The following ULBP3 variants were observed in gnomAD, a reference collection of about 807,000 sequenced individuals.
ULBP3 encodes UL16-binding protein 3.
A neutral mutation model predicts 24.9 loss-of-function variants in ULBP3; 25 were observed. The observed-to-expected ratio is 1.00, with a 90% CI of 0.73 to 1.40. The LOEUF (loss-of-function observed/expected upper bound fraction) is 1.40. ULBP3 is among the 40% of genes most tolerant of loss of function. The pLI is 0.00. For synonymous variants in ULBP3, 114 were observed against 114.7 expected (o/e 0.99, Z 0.04); for missense variants, 306 against 307.5 (o/e 1.00, Z 0.04).
At chr6:150,064,521 C>T (rs1393647289) in intron 4 of ULBP3, 64 bp downstream of exon 4, 14 of 1,453,636 alleles carry the variant, frequency 9.6e-6, no homozygotes, top group Non-Finnish European at 4.8e-6. Flanking sequence ...TGGAAATTCT[C>T]CTTTCCCTTC....
intron 1 of ULBP3, 72 bp from the exon 2 acceptor site, chr6:150,066,234 A>G (rs1175737875): frequency 6.6e-7 from 1 of 1,519,808 alleles, no homozygotes; most frequent in Non-Finnish European, 8.9e-7. Context: ...TGACAGCAAG[A>G]GGGTTTCCTG....
At chr6:150,068,798 A>G (rs909712082) in intron 1 of ULBP3, among the ~76,000 whole-genome samples, 181 bp downstream of exon 1, 11 of 152,114 alleles carry the variant, frequency 7.2e-5, no homozygotes, top group African/African-American at 2.7e-4. Context: ...TCTGCAGGGC[A>G]AGCAGCAGCC....
chr6:150,064,562 C>T, intron 4 of ULBP3, 23 bp downstream of exon 4: 1 of 1,600,058 alleles, frequency 6.2e-7, no homozygotes, highest in South Asian at 1.1e-5. Flanking sequence ...CTCTCGTTCC[C>T]CTCACAGTTT....
Position 150,068,952 on chromosome 6 carries a change from C to G in ULBP3, c.88+27G>C, listed in dbSNP as rs199528603. 3.2e-4 allele frequency: 502 copies of G among 1,577,284 alleles called. 1 individual carries two copies. In the African/African-American group the frequency reaches 6.1e-3, roughly 19 times the overall value. Reference sequence around the variant, plus strand: ...CAGCCCCCCAGGTTTGGCCCCCGCCCCGCTTAGGCTCCATCCCCGAACTCA... The same window carrying G: ...CAGCCCCCCAGGTTTGGCCCCCGCCGCGCTTAGGCTCCATCCCCGAACTCA... On this transcript the variant is annotated intron_variant, in intron 1 of 4. Transcript: ENST00000367339.
At chr6:150,065,832 C>G in intron 2 of ULBP3, 67 bp downstream of exon 2, 1 of 1,594,610 alleles carries the variant, frequency 6.3e-7, no homozygotes, top group Non-Finnish European at 8.5e-7. Flanking sequence ...AATTTCTTCT[C>G]CCCACACACA....
In ULBP3 at chr6:150,064,663, T is replaced by G. The variant is rs1582864934; in HGVS notation, c.679A>C (p.Thr227Pro). ...ATGAGGAAGCTCCAGGGACTGAGGG[T>G]GGTGGCTATGGCTTTGGGTTGAGCT... ...GLAQPKAIAT[T>P]LSPWSFLIIL... Residue 227 changes from threonine to proline, a missense_variant, in exon 4 of 5, where the codon ACC becomes CCC. Coordinates refer to ENST00000367339, the MANE Select transcript of ULBP3 (RefSeq NM_024518.3). 6.2e-7 allele frequency: 1 copy of G among 1,613,900 alleles called. No homozygotes were observed.
chr6:150,061,954 T>C lies in ULBP3; in HGVS notation c.*1420A>G, dbSNP rs1303240614. ...TAAGAGATGGTAACTCATTGCAGTT[T>C]TGATTTGCACTTATCTGATGATTAG... is the stretch of plus-strand genomic sequence containing the variant. On this transcript the variant is annotated 3_prime_UTR_variant, in exon 5 of 5. Transcript: ENST00000367339. Among the ~76,000 whole-genome samples, 2 of 152,248 alleles carry C rather than the reference T, an allele frequency of 1.3e-5. No individual in the cohort carries two copies. Among genetic ancestry groups the C allele is most frequent in the Non-Finnish European group, 2.9e-5 (2 of 68,040 alleles).
chr6:150,067,409 A>G (rs1776363203), intron 1 of ULBP3, among the ~76,000 whole-genome samples: 1 of 152,174 alleles, frequency 6.6e-6, no homozygotes, highest in South Asian at 2.1e-4. Context: ...TAGTGGACAC[A>G]GTGTGTGATC....
At position 150,069,105 on chromosome 6, in the gene ULBP3, T is replaced by C; in HGVS notation, c.-39A>G. The C allele has an allele frequency of 6.3e-7, 1 of 1,594,670 alleles. No homozygotes were observed. Among genetic ancestry groups the C allele is most frequent in the South Asian group, 1.1e-5 (1 of 88,152 alleles). On this transcript the variant is annotated 5_prime_UTR_variant, in exon 1 of 5. Coordinates refer to ENST00000367339, the MANE Select transcript of ULBP3 (RefSeq NM_024518.3). Reference sequence around the variant, plus strand: ...CGCCCGGGACACAAGGCGCAGTCGATGTGGAGACCAGCGTATGAATCACTT... The same window carrying C: ...CGCCCGGGACACAAGGCGCAGTCGACGTGGAGACCAGCGTATGAATCACTT...
intron 3 of ULBP3, 142 bp downstream of exon 3, chr6:150,065,256 A>T (rs1352368122): frequency 2.8e-5 from 35 of 1,236,280 alleles, no homozygotes. Context: ...CACTCACTCA[A>T]ACACACACTC....
rs753937674 is a variant in ULBP3 at position 150,064,709 on chromosome 6, TG to T, written c.632del (p.Pro211HisfsTer8). 1 of 1,613,796 alleles carries T rather than the reference TG, an allele frequency of 6.2e-7. No individual in the cohort carries two copies. Among genetic ancestry groups the T allele is most frequent in the Admixed American group, 1.7e-5 (1 of 59,994 alleles). On this transcript the variant is annotated frameshift_variant, in exon 4 of 5. Transcript: ENST00000367339. LOFTEE classifies it high-confidence loss of function. ...HRKKRLEPTA[P>X]PTMAPGLAQP... ...GAGCTAAGCCTGGGGCCATGGTGGG[TG>T]GTGCTGAAAGGGAAACACAAAAGTG...
intron 4 of ULBP3, 107 bp downstream of exon 4, chr6:150,064,478 A>G: frequency 9.8e-7 from 1 of 1,019,160 alleles, no homozygotes; most frequent in Admixed American, 2.0e-5. Context: ...TGTCAGAACG[A>G]GAAGGTCCCG....
rs1293671597 is a variant in ULBP3, at chr6:150,061,991, A to AT, written c.*1382dup. On this transcript the variant is annotated 3_prime_UTR_variant, in exon 5 of 5. Coordinates refer to ENST00000367339, the MANE Select transcript of ULBP3 (RefSeq NM_024518.3). ...TATCTGATGATTAGTGATATTGAGC[A>AT]TTTTTTCACGTTTGTTGGCCACTTG... 6.6e-6 allele frequency among the ~76,000 whole-genome samples: 1 copy of AT among 152,102 alleles called. No homozygotes were observed. Among genetic ancestry groups the AT allele is most frequent in the African/African-American group, 2.4e-5 (1 of 41,420 alleles).
rs1160737399 is a variant in ULBP3, at chr6:150,061,346, T to C, written c.*2028A>G. Among the ~76,000 whole-genome samples the C allele has an allele frequency of 6.6e-6, 1 of 152,218 alleles. No homozygotes were observed. The highest frequency in any genetic ancestry group is 1.5e-5 in the Non-Finnish European group (1 of 68,032). ...TAGATTTTGGAAGGCTGAGGCTTGG[T>C]GTCCCAATGATCTCATCACTCAAAC... On this transcript the variant is annotated 3_prime_UTR_variant, in exon 5 of 5. Coordinates refer to ENST00000367339, the MANE Select transcript of ULBP3 (RefSeq NM_024518.3).
At chr6:150,067,283 T>A (rs1023388903) in intron 1 of ULBP3, among the ~76,000 whole-genome samples, 1 of 152,178 alleles carries the variant, frequency 6.6e-6, no homozygotes, top group Non-Finnish European at 1.5e-5. Context: ...GAGCCCCTGG[T>A]GGGCTCCTTC....
Position 150,062,377 on chromosome 6 carries a change from G to A in ULBP3, c.*997C>T, listed in dbSNP as rs1472528450. On this transcript the variant is annotated 3_prime_UTR_variant, in exon 5 of 5. Coordinates refer to ENST00000367339, the MANE Select transcript of ULBP3 (RefSeq NM_024518.3). Reference sequence around the variant, plus strand: ...TTTTATTACCTGCGCAACATAGGAAGACCCAATCTCTACCTAAATATAAAA... The same window carrying A: ...TTTTATTACCTGCGCAACATAGGAAAACCCAATCTCTACCTAAATATAAAA... Among the ~76,000 whole-genome samples the A allele has an allele frequency of 6.6e-6, 1 of 152,272 alleles. No individual in the cohort carries two copies. Among genetic ancestry groups the A allele is most frequent in the East Asian group, 1.9e-4 (1 of 5,180 alleles).
chr6:150,068,144 C>A (rs1216138097), intron 1 of ULBP3, among the ~76,000 whole-genome samples: 1 of 152,096 alleles, frequency 6.6e-6, no homozygotes, highest in Non-Finnish European at 1.5e-5. Context: ...ATGGCTACAC[C>A]CCCCCACCCT....
At position 150,066,048 on chromosome 6, in the gene ULBP3, C is replaced by T. The variant is rs1484606727; in HGVS notation, c.203G>A (p.Gly68Asp). Residue 68 changes from glycine to aspartate, a missense_variant, in exon 2 of 5, where the codon GGC becomes GAC. Transcript: ENST00000367339. ...DQKNFLSYDCGSDKVLSMGHL... is the reference protein window; with the variant it reads ...DQKNFLSYDCDSDKVLSMGHL... The stretch of plus-strand genomic sequence containing the variant: ...ACCCATAGATAAGACCTTGTCACTG[C>T]CACAGTCATAGGAGAGAAAATTCTT... The T allele has an allele frequency of 3.1e-6, 5 of 1,614,216 alleles. No individual in the cohort carries two copies. The South Asian group carries it at 5.5e-5, about 18-fold the overall frequency.
chr6:150,062,171 C>T lies in ULBP3; in HGVS notation c.*1203G>A, dbSNP rs610025. On this transcript the variant is annotated 3_prime_UTR_variant, in exon 5 of 5. Coordinates refer to ENST00000367339, the MANE Select transcript of ULBP3 (RefSeq NM_024518.3). ...TTGCAAATAGTTTCCCCATTCTACA[C>T]GCTGTCTGTTTACCGTGTTGCTAGT... 5.1e-4 allele frequency among the ~76,000 whole-genome samples: 78 copies of T among 152,246 alleles called. No individual in the cohort carries two copies. Among genetic ancestry groups the T allele is most frequent in the African/African-American group, 1.8e-3 (73 of 41,534 alleles).
Sources: allele counts gnomAD v4.1 joint callset (sites outside exome capture counted in the v4.1 genomes callset), GRCh38; gene constraint gnomAD v4.1.1; transcripts MANE v1.5; gene names NCBI Gene and HGNC (gene_info 2026-07-23, HGNC 2026-07-21).